Variants in SEC11A observed in about 807,000 individuals in gnomAD.
SEC11A encodes the protein signal peptidase complex catalytic subunit SEC11A.
In SEC11A, 14 loss-of-function variants were observed where a neutral mutation model predicts 25.6. The observed-to-expected ratio is 0.55, with a 90% confidence interval of 0.36 to 0.85. SEC11A has a LOEUF of 0.85. SEC11A is among the 40% of genes least tolerant of loss of function. SEC11A has a pLI of 0.01. For synonymous variants in SEC11A, 83 were observed against 76.4 expected (o/e 1.09, Z -0.45); for missense variants, 153 against 222.9 (o/e 0.69, Z 2.00).
At chr15:84,695,088 TAAAAAAAAAAAAAAA>T (rs55789527) in intron 1 of SEC11A, among the ~76,000 whole-genome samples, 2 of 26,912 alleles carry the variant, frequency 7.4e-5, no homozygotes, top group African/African-American at 4.8e-4. Flanking sequence ...AGACTCCATC[TAAAAAAAAAAAAAAA>T]AAAAAAAAAA....
At chr15:84,697,700 T>C (rs1260176158) in intron 1 of SEC11A, among the ~76,000 whole-genome samples, 4 of 152,202 alleles carry the variant, frequency 2.6e-5, no homozygotes, top group African/African-American at 9.6e-5. Flanking sequence ...ACTTTCTTTA[T>C]CACTATGTCT....
Position 84,688,262 on chromosome 15 carries a change from C to G in SEC11A, c.162-488G>C, listed in dbSNP as rs1223272032. Among the ~76,000 whole-genome samples the G allele has an allele frequency of 7.2e-5, 11 of 152,208 alleles. No homozygotes were observed. In the South Asian group the frequency reaches 2.1e-3, roughly 29 times the overall value. On this transcript the variant is annotated intron_variant, in intron 2 of 5. Coordinates refer to ENST00000268220, the MANE Select transcript of SEC11A (RefSeq NM_014300.4). ...TCATTTAGAAGGAAAAATGGCTCAT[C>G]AAGTCAAGGAACAGCCAGCTACAGA... is the stretch of plus-strand genomic sequence containing the variant.
chr15:84,670,222 T>A, intron 5 of SEC11A, 153 bp from the exon 6 acceptor site: 1 of 579,054 alleles, frequency 1.7e-6, no homozygotes, highest in Non-Finnish European at 2.8e-6. Context: ...AAGTTTCCAA[T>A]ACTAAGCAAA....
At chr15:84,673,928 A>T (rs1420484189) in intron 4 of SEC11A, 1 of 151,898 alleles carries the variant, frequency 6.6e-6, no homozygotes, top group African/African-American at 2.4e-5. Flanking sequence ...AATAAAAAAT[A>T]AAAAAAATAA....
intron 1 of SEC11A, among the ~76,000 whole-genome samples, chr15:84,713,464 A>G (rs1300976121): frequency 1.3e-5 from 2 of 152,184 alleles, no homozygotes; most frequent in Non-Finnish European, 2.9e-5. Context: ...CCTAGATATT[A>G]TGTACAGATA....
intron 1 of SEC11A, among the ~76,000 whole-genome samples, chr15:84,697,399 A>G (rs1897799467): frequency 6.6e-6 from 1 of 152,210 alleles, no homozygotes; most frequent in South Asian, 2.1e-4. Context: ...TGGAATTATT[A>G]TTGTGAAATG....
Position 84,705,652 on chromosome 15 carries a change from C to T in SEC11A, c.51+10373G>A, listed in dbSNP as rs144948089. On this transcript the variant is annotated intron_variant, in intron 1 of 5. Transcript: ENST00000268220. The stretch of plus-strand genomic sequence containing the variant: ...GGTGGATTACCTGAGGTCATGAGTT[C>T]GAGACTAGCCTGGTCAACATGGTGA... Among the ~76,000 whole-genome samples, 100 of 151,732 alleles carry T rather than the reference C, an allele frequency of 6.6e-4. 1 individual carries two copies. The East Asian group carries it at 0.015, about 23-fold the overall frequency.
At chr15:84,693,220 C>T (rs1897660843) in intron 1 of SEC11A, among the ~76,000 whole-genome samples, 1 of 152,116 alleles carries the variant, frequency 6.6e-6, no homozygotes, top group African/African-American at 2.4e-5. Context: ...AGGTGGAAGA[C>T]TGTTCTAGAT....
At chr15:84,670,237 C>A in intron 5 of SEC11A, 168 bp from the exon 6 acceptor site, 3 of 491,010 alleles carry the variant, frequency 6.1e-6, no homozygotes, top group South Asian at 3.8e-5. Context: ...AGCAAAATAT[C>A]ACATTTCTTT....
intron 3 of SEC11A, chr15:84,685,734 A>T (rs1897400709): frequency 6.6e-6 from 1 of 150,686 alleles, no homozygotes; most frequent in South Asian, 2.1e-4. Flanking sequence ...ACACAAATCC[A>T]CTTTCAGAAT....
chr15:84,707,228 C>T (rs1274614615), intron 1 of SEC11A, among the ~76,000 whole-genome samples: 1 of 145,434 alleles, frequency 6.9e-6, no homozygotes, highest in African/African-American at 2.6e-5. Context: ...GCTCTGTCGC[C>T]AGCCTGGAGT....
At chr15:84,708,765 G>A (rs1898174907) in intron 1 of SEC11A, among the ~76,000 whole-genome samples, 1 of 151,722 alleles carries the variant, frequency 6.6e-6, no homozygotes, top group African/African-American at 2.4e-5. Context: ...TCCAGCCTAG[G>A]TGACAGAGCG....
intron 4 of SEC11A, chr15:84,672,873 G>A (rs1250545765): frequency 1.5e-5 from 3 of 205,818 alleles, no homozygotes; most frequent in East Asian, 1.7e-4. Flanking sequence ...CCTCTGCCCC[G>A]CCGCCCCGTC....
intron 2 of SEC11A, among the ~76,000 whole-genome samples, chr15:84,689,384 G>A (rs1002179665): frequency 6.6e-6 from 1 of 152,212 alleles, no homozygotes; most frequent in East Asian, 1.9e-4. Context: ...CATTAAATAT[G>A]TACAGCTTTT....
chr15:84,701,784 T>G (rs1000780649), intron 1 of SEC11A, among the ~76,000 whole-genome samples: 12 of 151,914 alleles, frequency 7.9e-5, no homozygotes, highest in Non-Finnish European at 1.6e-4. Flanking sequence ...ACAAAGTAGA[T>G]TTTGGCCGGG....
At chr15:84,709,859 C>CA (rs1898208712) in intron 1 of SEC11A, among the ~76,000 whole-genome samples, 1 of 152,190 alleles carries the variant, frequency 6.6e-6, no homozygotes, top group African/African-American at 2.4e-5. Context: ...TCTTGTGCCT[C>CA]AGCCACCTGA....
chr15:84,711,781 CAAAAA>C (rs60088964), intron 1 of SEC11A, among the ~76,000 whole-genome samples: 1 of 93,102 alleles, frequency 1.1e-5, no homozygotes. Context: ...GACTCTATCT[CAAAAA>C]AAAAAAAAAA....
rs1247184898 is a variant in SEC11A, at chr15:84,691,565, C to T, written c.131G>A (p.Gly44Glu). The change falls in exon 2 of 6, where the codon GGA becomes GAA. Residue 44 changes from glycine to glutamate, a missense_variant. Transcript: ENST00000268220. ...MIWKGLMVIT[G>E]SESPIVVVLS... ...CACCACTACAATCGGACTTTCACTT[C>T]CAGTTATTACCATTAACCCCTTCCA... The T allele has an allele frequency of 2.5e-6, 4 of 1,611,218 alleles. No homozygotes were observed. Among genetic ancestry groups the T allele is most frequent in the Non-Finnish European group, 3.4e-6 (4 of 1,178,138 alleles).
intron 1 of SEC11A, among the ~76,000 whole-genome samples, chr15:84,702,483 A>C (rs1321170773): frequency 6.6e-6 from 1 of 151,340 alleles, no homozygotes; most frequent in African/African-American, 2.4e-5. Context: ...AAAAAAAAAA[A>C]TTTTAGAGAT....
Sources: gnomAD v4.1 joint callset for allele counts (sites outside exome capture counted in the v4.1 genomes callset) on GRCh38, gnomAD v4.1.1 for gene constraint, MANE v1.5 for transcripts, NCBI Gene and HGNC (gene_info 2026-07-23, HGNC 2026-07-21) for gene names.